The following NOS1AP variants were observed in gnomAD, a reference collection of about 807,000 sequenced individuals.
NOS1AP encodes carboxyl-terminal PDZ ligand of neuronal nitric oxide synthase protein.
Under a neutral mutation model 56.2 loss-of-function variants are expected in NOS1AP, and 21 were observed. The observed-to-expected ratio is 0.37, with a 90% CI of 0.26 to 0.54. The LOEUF is 0.54. Among genes scored for constraint, NOS1AP ranks in the 20% least tolerant of loss-of-function variants. The probability of loss-of-function intolerance (pLI) is 0.84; values close to 1 mark genes in which losing one functional copy is unlikely to be tolerated. For missense variants in NOS1AP, 522 were observed against 657.8 expected, an observed-to-expected ratio of 0.79 and a Z score of 2.26; for synonymous variants, 270 against 274.6, an observed-to-expected ratio of 0.98 and a Z score of 0.17.
intron 2 of NOS1AP, among the ~76,000 whole-genome samples, chr1:162,181,400 T>C (rs1651252076): frequency 6.6e-6 from 1 of 152,222 alleles, no homozygotes. Flanking sequence ...ATTACAACAA[T>C]AAATCAATAA....
intron 2 of NOS1AP, among the ~76,000 whole-genome samples, chr1:162,206,965 G>T (rs148911564): frequency 6.6e-6 from 1 of 152,372 alleles, no homozygotes; most frequent in East Asian, 1.9e-4. Flanking sequence ...TTGTGCTGTT[G>T]CAGCTGCTGC....
intron 1 of NOS1AP, among the ~76,000 whole-genome samples, chr1:162,123,799 A>T (rs1454883672): frequency 6.6e-6 from 1 of 152,042 alleles, no homozygotes; most frequent in Non-Finnish European, 1.5e-5. Flanking sequence ...ACACACACAC[A>T]TTGTTTTTTT....
chr1:162,081,744 C>CTATATATATAGATATATATATAGATATA (rs1203479621), intron 1 of NOS1AP, among the ~76,000 whole-genome samples: 1 of 85,240 alleles, frequency 1.2e-5, no homozygotes, highest in Non-Finnish European at 2.5e-5. Context: ...ATATCTATAT[C>CTATATATATAGATATATATATAGATATA]TATATCTATA....
intron 1 of NOS1AP, among the ~76,000 whole-genome samples, chr1:162,114,339 C>T (rs1558104986): frequency 1.3e-5 from 2 of 152,196 alleles, no homozygotes; most frequent in African/African-American, 2.4e-5. Context: ...CAAGCTTTCA[C>T]GCAGAACTCT....
At chr1:162,278,302 G>A (rs1362138052) in intron 2 of NOS1AP, among the ~76,000 whole-genome samples, 2 of 152,150 alleles carry the variant, frequency 1.3e-5, no homozygotes, top group Non-Finnish European at 2.9e-5. Context: ...TTCACAGAAG[G>A]GAAGAATTAT....
chr1:162,296,832 C>T (rs79783979), intron 3 of NOS1AP, among the ~76,000 whole-genome samples: 2,984 of 152,238 alleles, frequency 0.02, 114 homozygotes, highest in African/African-American at 0.068. Context: ...AACTGGCGCC[C>T]GATGCATCCT....
intron 4 of NOS1AP, among the ~76,000 whole-genome samples, chr1:162,326,215 G>A (rs529905257): frequency 4.6e-5 from 7 of 152,198 alleles, no homozygotes; most frequent in Non-Finnish European, 1.0e-4. Flanking sequence ...GAATTGCGTG[G>A]CAGGTCCTGG....
chr1:162,117,057 A>G (rs1335066432), intron 1 of NOS1AP, among the ~76,000 whole-genome samples: 1 of 152,208 alleles, frequency 6.6e-6, no homozygotes, highest in Non-Finnish European at 1.5e-5. Context: ...TCTTGCAGAT[A>G]TGTATACCCT....
chr1:162,364,308 C>T, intron 8 of NOS1AP: 1 of 985,480 alleles, frequency 1.0e-6, no homozygotes. Flanking sequence ...CCATAAGCTA[C>T]ATTGGTCCAG....
intron 1 of NOS1AP, among the ~76,000 whole-genome samples, chr1:162,126,107 A>G (rs12085207): frequency 0.055 from 8,440 of 152,198 alleles, 750 homozygotes; most frequent in African/African-American, 0.19. Flanking sequence ...TAGCAGTGCT[A>G]TTGATTTATG....
At chr1:162,195,378 A>G (rs1651772478) in intron 2 of NOS1AP, among the ~76,000 whole-genome samples, 1 of 151,870 alleles carries the variant, frequency 6.6e-6, no homozygotes, top group Admixed American at 6.6e-5. Flanking sequence ...CTTTCTCTCT[A>G]CGAGGCCATA....
intron 4 of NOS1AP, among the ~76,000 whole-genome samples, chr1:162,324,416 C>CTTTTTTTTTTTTTTTTTTTTTTT (rs35946766): frequency 5.5e-5 from 4 of 72,146 alleles, no homozygotes; most frequent in Non-Finnish European, 8.3e-5. Context: ...GGACACTAGC[C>CTTTTTTTTTTTTTTTTTTTTTTT]TTTTTTTTTT....
At chr1:162,233,248 A>T (rs1328358801) in intron 2 of NOS1AP, among the ~76,000 whole-genome samples, 2 of 152,164 alleles carry the variant, frequency 1.3e-5, no homozygotes, top group African/African-American at 2.4e-5. Context: ...GGTGTTGCTC[A>T]TCCTCATGGC....
At chr1:162,251,869 G>GTTTTTTTTTTTTTTTTTTTTT (rs57313228) in intron 2 of NOS1AP, among the ~76,000 whole-genome samples, 9 of 82,126 alleles carry the variant, frequency 1.1e-4, no homozygotes, top group Admixed American at 2.0e-4. Context: ...TTTTTTTTTT[G>GTTTTTTTTTTTTTTTTTTTTT]TTTTTTTTTT....
chr1:162,115,397 GT>G (rs1284433353), intron 1 of NOS1AP, among the ~76,000 whole-genome samples: 3,461 of 144,460 alleles, frequency 0.024, 132 homozygotes, highest in African/African-American at 0.081. Flanking sequence ...CAGGTGCTCT[GT>G]TTTTTTTTTT....
At position 162,307,854 on chromosome 1, in the gene NOS1AP, T is replaced by C. The variant is rs577324652; in HGVS notation, c.344+7148T>C. Among the ~76,000 whole-genome samples the C allele has an allele frequency of 2.0e-5, 3 of 152,202 alleles. No individual in the cohort carries two copies. In the East Asian group the frequency reaches 5.8e-4, roughly 29 times the overall value. Reference sequence around the variant, plus strand: ...AAAGAATTAGAAGTCTATTCCAACTTTGGCTTTCTACATTGATCTGTTTTG... The same window carrying C: ...AAAGAATTAGAAGTCTATTCCAACTCTGGCTTTCTACATTGATCTGTTTTG... On this transcript the variant is annotated intron_variant, in intron 4 of 9. Coordinates refer to ENST00000361897, the MANE Select transcript of NOS1AP (RefSeq NM_014697.3).
chr1:162,251,711 TCTCA>T (rs1225699264), intron 2 of NOS1AP, among the ~76,000 whole-genome samples: 1 of 151,256 alleles, frequency 6.6e-6, no homozygotes, highest in African/African-American at 2.4e-5. Context: ...TGAGATAGGG[TCTCA>T]CTCACTCTGT....
intron 2 of NOS1AP, among the ~76,000 whole-genome samples, chr1:162,242,690 A>G (rs1436110247): frequency 6.6e-6 from 1 of 152,212 alleles, no homozygotes; most frequent in Non-Finnish European, 1.5e-5. Flanking sequence ...TGGTTGTATT[A>G]CAGATGTAAT....
intron 2 of NOS1AP, among the ~76,000 whole-genome samples, chr1:162,194,204 TA>T (rs1282692827): frequency 6.6e-6 from 1 of 152,170 alleles, no homozygotes; most frequent in Non-Finnish European, 1.5e-5. Context: ...AAGACCCCTA[TA>T]TGTCCCCTCT....
Sources: allele counts gnomAD v4.1 joint callset (sites outside exome capture counted in the v4.1 genomes callset), GRCh38; gene constraint gnomAD v4.1.1; transcripts MANE v1.5; gene names NCBI Gene and HGNC (gene_info 2026-07-23, HGNC 2026-07-21).